PRKCB: variants seen among roughly 807,000 people sequenced by gnomAD.
The protein encoded by PRKCB is protein kinase C beta type.
In PRKCB, 13 loss-of-function variants were observed where a neutral mutation model predicts 81.5. The observed-to-expected ratio is 0.16, with a 90% CI of 0.10 to 0.25. The LOEUF is 0.25. Ranked by LOEUF, PRKCB falls within the 10% of genes least tolerant of loss-of-function variation. The probability of loss-of-function intolerance (pLI) is 1.00; values close to 1 mark genes in which losing one functional copy is unlikely to be tolerated. For missense variants in PRKCB, 509 were observed against 875.7 expected (o/e 0.58, Z 5.29); for synonymous variants, 335 against 321.4 (o/e 1.04, Z -0.45).
intron 5 of PRKCB, among the ~76,000 whole-genome samples, chr16:24,059,191 A>G (rs1293311598): frequency 2.0e-5 from 3 of 152,040 alleles, no homozygotes; most frequent in Admixed American, 6.5e-5. Flanking sequence ...TTGGAAAAAC[A>G]GAGCCAACAG....
chr16:24,094,520 C>G (rs568956454), intron 7 of PRKCB, among the ~76,000 whole-genome samples: 1 of 152,304 alleles, frequency 6.6e-6, no homozygotes, highest in South Asian at 2.1e-4. Flanking sequence ...CATCCCAGCA[C>G]TCTGGGAGGC....
At chr16:23,916,918 A>C in intron 2 of PRKCB, among the ~76,000 whole-genome samples, 1 of 119,134 alleles carries the variant, frequency 8.4e-6, no homozygotes. Flanking sequence ...CACCACCATG[A>C]CTGGCTGATT....
chr16:23,840,339 TCC>T (rs1190284742), intron 2 of PRKCB, among the ~76,000 whole-genome samples: 11 of 152,102 alleles, frequency 7.2e-5, no homozygotes, highest in Admixed American at 6.6e-4. Flanking sequence ...TGCTCCACTA[TCC>T]CTGGGGAGTG....
chr16:24,050,386 G>A (rs1359089489), intron 5 of PRKCB, among the ~76,000 whole-genome samples: 1 of 152,046 alleles, frequency 6.6e-6, no homozygotes, highest in Non-Finnish European at 1.5e-5. Flanking sequence ...TGTTGCCGAG[G>A]AGCGAAGGAT....
At chr16:23,902,695 G>C in intron 2 of PRKCB, among the ~76,000 whole-genome samples, 1 of 140,674 alleles carries the variant, frequency 7.1e-6, no homozygotes, top group Non-Finnish European at 1.5e-5. Context: ...ATGCGTTCAG[G>C]AACTGAGCTC....
intron 5 of PRKCB, among the ~76,000 whole-genome samples, chr16:24,062,188 C>G (rs963745519): frequency 5.3e-5 from 8 of 152,192 alleles, no homozygotes; most frequent in African/African-American, 1.9e-4. Flanking sequence ...TTTTGTGGGT[C>G]TTCTGGGAGG....
chr16:23,994,717 C>T (rs1002324425), intron 3 of PRKCB, among the ~76,000 whole-genome samples: 2 of 152,228 alleles, frequency 1.3e-5, no homozygotes, highest in Non-Finnish European at 2.9e-5. Context: ...CAAATTAATT[C>T]ATCCTCTGGT....
At chr16:23,860,354 G>C (rs1238130373) in intron 2 of PRKCB, among the ~76,000 whole-genome samples, 6 of 152,106 alleles carry the variant, frequency 3.9e-5, no homozygotes, top group Admixed American at 3.9e-4. Context: ...AAAGCTTGGG[G>C]GAGAAGATAG....
At chr16:23,865,553 GTGTGTGTGTGTGTGTGTATA>G (rs1567294483) in intron 2 of PRKCB, among the ~76,000 whole-genome samples, 14 of 61,312 alleles carry the variant, frequency 2.3e-4, no homozygotes, top group African/African-American at 6.9e-4. Context: ...GTGTGTGTGT[GTGTGTGTGTGTGTGTGTATA>G]TGTATATTTA....
chr16:24,055,612 T>C (rs1965894564), intron 5 of PRKCB, among the ~76,000 whole-genome samples: 2 of 152,226 alleles, frequency 1.3e-5, no homozygotes. Context: ...GAATCCACTG[T>C]CTTAGCCCGT....
intron 2 of PRKCB, among the ~76,000 whole-genome samples, chr16:23,955,386 C>G (rs951017221): frequency 2.8e-4 from 43 of 152,138 alleles, no homozygotes; most frequent in African/African-American, 4.8e-5. Flanking sequence ...GGACTGTACC[C>G]ATGCCCCTGT....
At chr16:24,158,769 C>T (rs1024681357) in intron 10 of PRKCB, among the ~76,000 whole-genome samples, 3 of 152,080 alleles carry the variant, frequency 2.0e-5, no homozygotes, top group Non-Finnish European at 4.4e-5. Context: ...ATAGATCCTC[C>T]TGCCTCGGCC....
chr16:23,844,318 T>C (rs1198661686), intron 2 of PRKCB, among the ~76,000 whole-genome samples: 2 of 152,198 alleles, frequency 1.3e-5, no homozygotes, highest in African/African-American at 2.4e-5. Flanking sequence ...ATCCACAGTG[T>C]TTACATATGG....
At chr16:24,138,341 C>T (rs1567388553) in intron 9 of PRKCB, among the ~76,000 whole-genome samples, 3 of 152,234 alleles carry the variant, frequency 2.0e-5, no homozygotes, top group Non-Finnish European at 4.4e-5. Context: ...TTCCTGCCAC[C>T]TAATTGTTGC....
intron 13 of PRKCB, among the ~76,000 whole-genome samples, chr16:24,182,440 G>A (rs573919861): frequency 6.6e-5 from 10 of 152,082 alleles, no homozygotes; most frequent in Non-Finnish European, 7.4e-5. Context: ...AGGATCACTT[G>A]AGCCCAGCAG....
intron 3 of PRKCB, among the ~76,000 whole-genome samples, chr16:24,012,880 C>T (rs1965223292): frequency 6.6e-6 from 1 of 152,252 alleles, no homozygotes; most frequent in South Asian, 2.1e-4. Context: ...CATCCTGCCA[C>T]CAGGCATTTG....
chr16:23,931,725 G>T (rs1193370363), intron 2 of PRKCB, among the ~76,000 whole-genome samples: 1 of 152,082 alleles, frequency 6.6e-6, no homozygotes, highest in Admixed American at 6.6e-5. Flanking sequence ...CGGCCTTCTG[G>T]CCTGCTGGGT....
chr16:23,980,409 T>A (rs962311564), intron 2 of PRKCB, among the ~76,000 whole-genome samples: 2 of 152,216 alleles, frequency 1.3e-5, no homozygotes, highest in Admixed American at 6.5e-5. Context: ...AAAATCTGCA[T>A]GCCAGTGGCT....
At chr16:23,872,021 G>T (rs1962913707) in intron 2 of PRKCB, among the ~76,000 whole-genome samples, 1 of 152,166 alleles carries the variant, frequency 6.6e-6, no homozygotes, top group Non-Finnish European at 1.5e-5. Flanking sequence ...CTGGCACTCA[G>T]GGGGTGCTCA....
Sources: gnomAD v4.1 joint callset for allele counts (sites outside exome capture counted in the v4.1 genomes callset) on GRCh38, gnomAD v4.1.1 for gene constraint, MANE v1.5 for transcripts, NCBI Gene and HGNC (gene_info 2026-07-23, HGNC 2026-07-21) for gene names.